The following CNKSR2 variants were observed in gnomAD, a reference collection of about 807,000 sequenced individuals.
The protein encoded by CNKSR2 is CNK homolog protein 2.
Under a neutral mutation model 84.4 loss-of-function variants are expected in CNKSR2, and 14 were observed. The ratio of observed to expected loss-of-function variants is 0.17; its 90% CI spans 0.11 to 0.26. The LOEUF (loss-of-function observed/expected upper bound fraction) is 0.26, where lower values mean the gene tolerates loss of function less well. Among genes scored for constraint, CNKSR2 ranks in the 10% least tolerant of loss-of-function variants. The probability of loss-of-function intolerance (pLI) is 1.00; values close to 1 mark genes in which losing one functional copy is unlikely to be tolerated. For synonymous variants in CNKSR2, 275 were observed against 277.9 expected, an observed-to-expected ratio of 0.99 and a Z score of 0.10; for missense variants, 485 against 771.2, an observed-to-expected ratio of 0.63 and a Z score of 4.40.
At chrX:21,483,755 T>C (rs774446207) in intron 5 of CNKSR2, among the ~76,000 whole-genome samples, 2 of 109,777 alleles carry the variant, frequency 1.8e-5, no homozygotes, top group South Asian at 7.8e-4. Flanking sequence ...GGAACCATCA[T>C]AAGAGTGCAA....
rs962275868 is a variant in CNKSR2, at chrX:21,549,389, A to G, written c.1304-12082A>G. Among the ~76,000 whole-genome samples, 3 of 111,971 alleles carry G rather than the reference A, an allele frequency of 2.7e-5. No homozygotes were observed. In the Admixed American group the frequency reaches 2.8e-4, roughly 11 times the overall value. On this transcript the variant is annotated intron_variant, in intron 11 of 21. Coordinates refer to ENST00000379510, the MANE Select transcript of CNKSR2 (RefSeq NM_014927.5). Reference sequence around the variant, plus strand: ...GAAGGACCTCTTCAAGGAGAACTACAAACCACTGCTCAAGGAAATCAAAGA... The same window carrying G: ...GAAGGACCTCTTCAAGGAGAACTACGAACCACTGCTCAAGGAAATCAAAGA...
At chrX:21,376,142 G>A (rs2089811820) in intron 1 of CNKSR2, among the ~76,000 whole-genome samples, 1 of 112,499 alleles carries the variant, frequency 8.9e-6, no homozygotes, top group Non-Finnish European at 1.9e-5. Context: ...CCCTTCTTGG[G>A]CTTACTTAAC....
At chrX:21,556,199 ACTTT>A (rs1464842704) in intron 11 of CNKSR2, among the ~76,000 whole-genome samples, 5 of 111,168 alleles carry the variant, frequency 4.5e-5, no homozygotes, top group Non-Finnish European at 7.6e-5. Context: ...TCCCCTATTT[ACTTT>A]CTTAACAAGC....
chrX:21,381,966 A>G lies in CNKSR2; in HGVS notation c.64+7005A>G, dbSNP rs1290053721. Among the ~76,000 whole-genome samples, 3 of 111,599 alleles carry G rather than the reference A, an allele frequency of 2.7e-5. No homozygotes were observed. In the Admixed American group the frequency reaches 2.9e-4, roughly 11 times the overall value. On this transcript the variant is annotated intron_variant, in intron 1 of 21. Transcript: ENST00000379510. ...ATATTAATTTGGATGGTTATTTGATATCCAACTCCCCCACTAGATGAGTGC... is the reference window on the plus strand; with the variant it reads ...ATATTAATTTGGATGGTTATTTGATGTCCAACTCCCCCACTAGATGAGTGC...
rs188671210 is a variant in CNKSR2 at position 21,379,575 on chromosome X, T to G, written c.64+4614T>G. Among the ~76,000 whole-genome samples, 8 of 112,572 alleles carry G rather than the reference T, an allele frequency of 7.1e-5. No homozygotes were observed. In the Admixed American group the frequency reaches 7.5e-4, roughly 11 times the overall value. ...AGTGTTATTAACATTTGCTCCTTAA[T>G]GTAACACTCATGATTTAGTGCAGAT... On this transcript the variant is annotated intron_variant, in intron 1 of 21. Transcript: ENST00000379510.
chrX:21,488,962 C>A (rs2091414521), intron 5 of CNKSR2, among the ~76,000 whole-genome samples: 2 of 111,459 alleles, frequency 1.8e-5, no homozygotes, highest in African/African-American at 3.3e-5. Flanking sequence ...GAGACAAATG[C>A]ATATCTGATT....
Position 21,425,560 on chromosome X carries a change from C to T in CNKSR2, c.65-937C>T, listed in dbSNP as rs762346149. 5 of 111,743 alleles carry T rather than the reference C, an allele frequency of 4.5e-5. No homozygotes were observed. In the South Asian group the frequency reaches 1.5e-3, roughly 34 times the overall value. 9.2% of individuals were successfully genotyped at this position (111,743 alleles called of 1,213,427 possible). On this transcript the variant is annotated intron_variant, in intron 1 of 21. Transcript: ENST00000379510. ...TGTTTTTTCTATTCTCTTATAATTT[C>T]TGCTCCTCCATAACTTCAGCTGGAA...
chrX:21,590,099 G>A (rs1255739006), intron 13 of CNKSR2, among the ~76,000 whole-genome samples: 3 of 111,451 alleles, frequency 2.7e-5, no homozygotes, highest in African/African-American at 9.8e-5. Flanking sequence ...AAAAAATATT[G>A]TTCCAAGTGC....
chrX:21,629,002 A>G (rs759301318), intron 20 of CNKSR2, among the ~76,000 whole-genome samples: 8 of 112,415 alleles, frequency 7.1e-5, no homozygotes, highest in Middle Eastern at 4.6e-3. Flanking sequence ...ACAGCACCCA[A>G]GTGACTTCTT....
chrX:21,582,384 C>T (rs1014538617), intron 13 of CNKSR2, among the ~76,000 whole-genome samples: 2 of 112,147 alleles, frequency 1.8e-5, no homozygotes, highest in African/African-American at 6.5e-5. Flanking sequence ...AATGTACTTG[C>T]ATCACCTGTC....
chrX:21,522,692 G>T (rs2091797056), intron 9 of CNKSR2, among the ~76,000 whole-genome samples: 2 of 110,431 alleles, frequency 1.8e-5, no homozygotes, highest in Admixed American at 1.9e-4. Flanking sequence ...ACAAAGAAAA[G>T]ACCTCAGCAA....
intron 1 of CNKSR2, among the ~76,000 whole-genome samples, chrX:21,400,932 T>G (rs2090183032): frequency 9.0e-6 from 1 of 111,611 alleles, no homozygotes; most frequent in Non-Finnish European, 1.9e-5. Flanking sequence ...ATTTTATGTT[T>G]CAATGACTCC....
At chrX:21,542,402 A>G (rs1047558373) in intron 11 of CNKSR2, among the ~76,000 whole-genome samples, 2 of 112,263 alleles carry the variant, frequency 1.8e-5, no homozygotes, top group Admixed American at 1.9e-4. Flanking sequence ...TAATGGTAAG[A>G]CATTGTAAAT....
intron 9 of CNKSR2, among the ~76,000 whole-genome samples, chrX:21,521,103 AATAC>A (rs750998181): frequency 5.4e-5 from 6 of 110,460 alleles, no homozygotes; most frequent in Admixed American, 3.9e-4. Flanking sequence ...GAAAAATCAA[AATAC>A]ATAAGTAACA....
chrX:21,488,241 T>G (rs1006013878), intron 5 of CNKSR2, among the ~76,000 whole-genome samples: 2 of 111,788 alleles, frequency 1.8e-5, no homozygotes, highest in Non-Finnish European at 3.8e-5. Flanking sequence ...TTTCAGTATT[T>G]TAAGGGTTGA....
chrX:21,443,738 C>G (rs1342601495), intron 4 of CNKSR2, among the ~76,000 whole-genome samples: 3 of 111,626 alleles, frequency 2.7e-5, no homozygotes, highest in East Asian at 5.6e-4. Flanking sequence ...TTCTGGCTTT[C>G]TGACAGTTCT....
At chrX:21,470,511 T>C (rs1313635210) in intron 4 of CNKSR2, among the ~76,000 whole-genome samples, 2 of 110,906 alleles carry the variant, frequency 1.8e-5, no homozygotes, top group African/African-American at 6.5e-5. Flanking sequence ...TTAATGTATA[T>C]TGTCCTTTAG....
chrX:21,383,540 A>G (rs1223865543), intron 1 of CNKSR2, among the ~76,000 whole-genome samples: 1 of 112,498 alleles, frequency 8.9e-6, no homozygotes, highest in Non-Finnish European at 1.9e-5. Flanking sequence ...TATCAAGTAT[A>G]GCATACATGA....
chrX:21,391,280 T>TC (rs1186485428), intron 1 of CNKSR2, among the ~76,000 whole-genome samples: 2 of 112,078 alleles, frequency 1.8e-5, no homozygotes, highest in African/African-American at 6.5e-5. Flanking sequence ...GCCCCACATT[T>TC]CCCCCCCACA....
Sources: allele counts gnomAD v4.1 joint callset (sites outside exome capture counted in the v4.1 genomes callset), GRCh38; gene constraint gnomAD v4.1.1; transcripts MANE v1.5; gene names NCBI Gene and HGNC (gene_info 2026-07-23, HGNC 2026-07-21).